Variants in ME3 observed in about 807,000 individuals in gnomAD.
ME3 encodes the protein malic enzyme 3.
ME3 carries 48 observed loss-of-function variants against 68.9 expected under a neutral mutation model. The ratio of observed to expected loss-of-function variants is 0.70; its 90% CI spans 0.55 to 0.89. ME3 has a LOEUF of 0.89. Among genes scored for constraint, ME3 ranks in the 40% least tolerant of loss-of-function variants. ME3 has a pLI of 0.00. For synonymous variants in ME3, 320 were observed against 318.8 expected, an observed-to-expected ratio of 1.00 and a Z score of -0.04; for missense variants, 675 against 797.4, an observed-to-expected ratio of 0.85 and a Z score of 1.85.
intron 4 of ME3, among the ~76,000 whole-genome samples, chr11:86,524,574 A>C (rs146292805): frequency 1.3e-5 from 2 of 152,220 alleles, no homozygotes; most frequent in Non-Finnish European, 1.5e-5. Flanking sequence ...AGGCAGTTCT[A>C]TGGGCAGGCA....
intron 2 of ME3, among the ~76,000 whole-genome samples, chr11:86,610,067 C>CT (rs1445430230): frequency 2.0e-5 from 3 of 152,108 alleles, no homozygotes; most frequent in Non-Finnish European, 1.5e-5. Flanking sequence ...CATATAATGT[C>CT]TAACATGTTT....
At position 86,656,917 on chromosome 11, in the gene ME3, G is replaced by A. The variant is rs897332213; in HGVS notation, c.183+14845C>T. On this transcript the variant is annotated intron_variant, in intron 2 of 14. Transcript: ENST00000543262. ...GCAATGCAAAGTAAAACTACAATGA[G>A]GTATCATCCCATGCCAGTTAGAATG... Among the ~76,000 whole-genome samples the A allele has an allele frequency of 1.1e-4, 17 of 151,768 alleles. 1 individual carries two copies. Among genetic ancestry groups the A allele is most frequent in the Middle Eastern group, 3.2e-3 (1 of 314 alleles).
chr11:86,500,915 A>G (rs1220800378), intron 5 of ME3, among the ~76,000 whole-genome samples: 1 of 151,760 alleles, frequency 6.6e-6, no homozygotes, highest in Non-Finnish European at 1.5e-5. Flanking sequence ...CCTGCCTTTC[A>G]CAAGCGTGTA....
chr11:86,521,423 C>CAAAAAAAAAAAAAAAAAA (rs201957441), intron 4 of ME3, among the ~76,000 whole-genome samples: 1 of 85,982 alleles, frequency 1.2e-5, no homozygotes, highest in Non-Finnish European at 2.5e-5. Flanking sequence ...CAAAACAAAA[C>CAAAAAAAAAAAAAAAAAA]AAAACAAAAA....
At chr11:86,521,924 A>G (rs1329341191) in intron 4 of ME3, among the ~76,000 whole-genome samples, 1 of 152,152 alleles carries the variant, frequency 6.6e-6, no homozygotes, top group Non-Finnish European at 1.5e-5. Context: ...CAGGTTCTAC[A>G]TCTTGGATTC....
chr11:86,437,456 T>G (rs1361823560), downstream of ME3, among the ~76,000 whole-genome samples: 2 of 152,136 alleles, frequency 1.3e-5, no homozygotes, highest in Non-Finnish European at 2.9e-5. Flanking sequence ...TGAGATCCTT[T>G]ACATTACCAT....
intron 4 of ME3, among the ~76,000 whole-genome samples, chr11:86,537,757 T>G (rs1273750626): frequency 6.6e-6 from 1 of 152,178 alleles, no homozygotes; most frequent in African/African-American, 2.4e-5. Context: ...CTAGGAGTGT[T>G]CAGGAGTGGG....
intron 3 of ME3, among the ~76,000 whole-genome samples, chr11:86,557,893 C>T (rs1957013140): frequency 6.6e-6 from 1 of 152,160 alleles, no homozygotes; most frequent in African/African-American, 2.4e-5. Context: ...CCTATCCCGC[C>T]CCTCACCCAG....
chr11:86,584,829 G>T (rs1307863575), intron 2 of ME3, among the ~76,000 whole-genome samples: 1 of 152,134 alleles, frequency 6.6e-6, no homozygotes, highest in African/African-American at 2.4e-5. Flanking sequence ...ATGGGTATAC[G>T]ATTTCAGTTA....
intron 4 of ME3, among the ~76,000 whole-genome samples, chr11:86,551,062 C>G (rs1228606641): frequency 6.6e-6 from 1 of 151,856 alleles, no homozygotes; most frequent in Non-Finnish European, 1.5e-5. Flanking sequence ...TGAAGCATAC[C>G]AGACATATTG....
chr11:86,587,769 C>T (rs1168400929), intron 2 of ME3, among the ~76,000 whole-genome samples: 1 of 152,196 alleles, frequency 6.6e-6, no homozygotes, highest in Non-Finnish European at 1.5e-5. Context: ...AATAACCGGT[C>T]TCTCTCATTT....
At chr11:86,654,626 C>A (rs989089291) in intron 2 of ME3, among the ~76,000 whole-genome samples, 1 of 152,118 alleles carries the variant, frequency 6.6e-6, no homozygotes, top group Non-Finnish European at 1.5e-5. Flanking sequence ...TATGACAAAC[C>A]CACAGCCAAT....
chr11:86,575,593 T>G (rs1277755495), intron 2 of ME3, among the ~76,000 whole-genome samples: 1 of 120,360 alleles, frequency 8.3e-6, no homozygotes, highest in Non-Finnish European at 1.8e-5. Flanking sequence ...CTGAGAGGAC[T>G]TGGTTGCCTT....
At chr11:86,441,741 T>A (rs1047633476) in intron 14 of ME3, among the ~76,000 whole-genome samples, 1 of 152,208 alleles carries the variant, frequency 6.6e-6, no homozygotes, top group Non-Finnish European at 1.5e-5. Flanking sequence ...CTCAGTTTCC[T>A]CATCTGTAAA....
intron 8 of ME3, 117 bp downstream of exon 8, chr11:86,464,967 TCAACAGC>T: frequency 1.4e-6 from 1 of 715,122 alleles, no homozygotes; most frequent in Non-Finnish European, 2.5e-6. Flanking sequence ...TATTCTTTTT[TCAACAGC>T]TGCTGGCAGC....
At chr11:86,657,860 A>G (rs1434314470) in intron 2 of ME3, among the ~76,000 whole-genome samples, 2 of 152,344 alleles carry the variant, frequency 1.3e-5, no homozygotes, top group South Asian at 2.1e-4. Flanking sequence ...AATACCTCAC[A>G]GTGCCTAGAA....
chr11:86,449,630 G>A (rs888615421), intron 10 of ME3, among the ~76,000 whole-genome samples: 3 of 152,226 alleles, frequency 2.0e-5, no homozygotes, highest in Non-Finnish European at 4.4e-5. Context: ...ATGATTTAAT[G>A]TGGCTGGAGG....
At chr11:86,525,955 G>A (rs145863837) in intron 4 of ME3, among the ~76,000 whole-genome samples, 1,861 of 152,180 alleles carry the variant, frequency 0.012, 48 homozygotes, top group African/African-American at 0.043. Context: ...CAGAGAAGAC[G>A]TATGATTTCT....
exon 2 of ME3, chr11:86,671,838 G>C: frequency 6.3e-7 from 1 of 1,592,682 alleles, no homozygotes; most frequent in South Asian, 1.1e-5. Flanking sequence ...GCCAGGCTTG[G>C]AGTGGCAGCC....
Sources: gnomAD v4.1 joint callset for allele counts (sites outside exome capture counted in the v4.1 genomes callset) on GRCh38, gnomAD v4.1.1 for gene constraint, MANE v1.5 for transcripts, NCBI Gene and HGNC (gene_info 2026-07-23, HGNC 2026-07-21) for gene names.